NWD1: variants seen among roughly 807,000 people sequenced by gnomAD.
NWD1 encodes the protein NACHT and WD repeat domain containing 1, also known as NACHT domain- and WD repeat-containing protein 1.
In NWD1, 129 loss-of-function variants were observed where a neutral mutation model predicts 135.1. The observed-to-expected ratio is 0.96, with a 90% confidence interval of 0.83 to 1.11. The LOEUF is 1.11. Among genes scored for constraint, NWD1 ranks in the 50% least tolerant of loss-of-function variants. The pLI is 0.00. For synonymous variants in NWD1, 773 were observed against 786.0 expected, an observed-to-expected ratio of 0.98 and a Z score of 0.28; for missense variants, 1,740 against 1,851.3, an observed-to-expected ratio of 0.94 and a Z score of 1.10.
intron 6 of NWD1, among the ~76,000 whole-genome samples, chr19:16,754,051 A>G (rs1242270916): frequency 6.7e-6 from 1 of 149,482 alleles, no homozygotes; most frequent in Non-Finnish European, 1.5e-5. Context: ...CCATCCATCC[A>G]TCCACCCATC....
At chr19:16,728,898 CAT>C (rs2122685321) in intron 2 of NWD1, among the ~76,000 whole-genome samples, 1 of 141,296 alleles carries the variant, frequency 7.1e-6, no homozygotes, top group East Asian at 2.1e-4. Context: ...GAGCCGAGAT[CAT>C]GCCACTGCAC....
chr19:16,729,021 A>C lies in NWD1; in HGVS notation c.-6-2171A>C, dbSNP rs189353718. On this transcript the variant is annotated intron_variant, in intron 2 of 18. Transcript: ENST00000524140. ...TGGTTCACACCTGCAATCCCAGCAC[A>C]TTGGGAGGCCGAGGTGGGAGAATTG... Among the ~76,000 whole-genome samples the C allele has an allele frequency of 2.7e-5, 4 of 146,730 alleles. No individual in the cohort carries two copies. The East Asian group carries it at 8.3e-4, about 30-fold the overall frequency.
At chr19:16,778,175 G>C (rs752205972) in intron 11 of NWD1, among the ~76,000 whole-genome samples, 1 of 152,140 alleles carries the variant, frequency 6.6e-6, no homozygotes, top group Non-Finnish European at 1.5e-5. Context: ...ATGTGGAAGA[G>C]GCACACAGAA....
intron 1 of NWD1, among the ~76,000 whole-genome samples, chr19:16,721,094 C>T (rs150730403): frequency 6.6e-6 from 1 of 152,076 alleles, no homozygotes; most frequent in Non-Finnish European, 1.5e-5. Context: ...AAGTAATCTG[C>T]CTGTTTTGGC....
In NWD1 at chr19:16,788,872, C is replaced by T. The variant is rs1207666369; in HGVS notation, c.2732-110C>T. On this transcript the variant is annotated intron_variant, in intron 12 of 18. Transcript: ENST00000524140. ...ATGACTTTCACAATTCAATTCCATCCATCTTTTCTTTGGTAAATGAGGGTA... is the reference window on the plus strand; with the variant it reads ...ATGACTTTCACAATTCAATTCCATCTATCTTTTCTTTGGTAAATGAGGGTA... 29 of 753,894 alleles carry T rather than the reference C, an allele frequency of 3.8e-5. 1 individual carries two copies. Among genetic ancestry groups the T allele is most frequent in the Non-Finnish European group, 5.4e-5 (23 of 427,966 alleles). The allele number at this position is 753,894 out of a possible 1,614,324, so 46.7% of individuals were successfully genotyped here.
At chr19:16,735,627 G>A (rs1330742950) in intron 3 of NWD1, among the ~76,000 whole-genome samples, 1 of 150,968 alleles carries the variant, frequency 6.6e-6, no homozygotes, top group African/African-American at 2.4e-5. Context: ...TCAAGAGTTC[G>A]AGACCAGCCT....
intron 6 of NWD1, among the ~76,000 whole-genome samples, chr19:16,753,327 TTGGTCCCATATC>T (rs1372578787): frequency 6.6e-6 from 1 of 152,208 alleles, no homozygotes; most frequent in Non-Finnish European, 1.5e-5. Context: ...AATGGCCTAC[TTGGTCCCATATC>T]TGGTCCAATT....
intron 8 of NWD1, 86 bp downstream of exon 8, chr19:16,762,224 C>T (rs1197754195): frequency 6.5e-6 from 8 of 1,236,738 alleles, no homozygotes; most frequent in African/African-American, 3.0e-5. Context: ...TTTTTGCACT[C>T]GAAATGTCCT....
chr19:16,723,943 G>A (rs36081090), intron 1 of NWD1, among the ~76,000 whole-genome samples: 34,001 of 151,558 alleles, frequency 0.22, 4,789 homozygotes, highest in Middle Eastern at 0.36. Flanking sequence ...TGATCGGCCC[G>A]CCTTGGCCTC....
At position 16,800,170 on chromosome 19, in the gene NWD1, AG is replaced by A; in HGVS notation, c.3736+10del. The A allele has an allele frequency of 6.3e-7, 1 of 1,593,402 alleles. No individual in the cohort carries two copies. The highest frequency in any genetic ancestry group is 1.7e-4 in the Middle Eastern group (1 of 5,940). The stretch of plus-strand genomic sequence containing the variant: ...TTTGGGACTTGGCAGAAGGTTGGTA[AG>A]GTATAAGTATGGTCATTTTTGTGGG... On this transcript the variant is annotated intron_variant, in intron 17 of 18. Transcript: ENST00000524140.
At chr19:16,802,366 A>C (rs943351009) in intron 17 of NWD1, among the ~76,000 whole-genome samples, 12 of 151,132 alleles carry the variant, frequency 7.9e-5, no homozygotes, top group African/African-American at 2.9e-4. Context: ...AGATGGAGGC[A>C]GGATGATCGC....
chr19:16,788,925 T>C, intron 12 of NWD1, 57 bp from the exon 13 acceptor site: 2 of 1,257,642 alleles, frequency 1.6e-6, no homozygotes, highest in Admixed American at 1.7e-5. Flanking sequence ...ATTTTAATAG[T>C]TGCAAGGCCA....
chr19:16,815,255 G>T lies in NWD1; in HGVS notation c.*216G>T, dbSNP rs1432574218. Reference sequence around the variant, plus strand: ...AGTTGCAGCTGCAGGAGCTCCCCAGGACTTGGAGTCAGAAAGTGCCCAGGG... The same window carrying T: ...AGTTGCAGCTGCAGGAGCTCCCCAGTACTTGGAGTCAGAAAGTGCCCAGGG... On this transcript the variant is annotated 3_prime_UTR_variant, in exon 19 of 19. Coordinates refer to ENST00000524140, the MANE Select transcript of NWD1 (RefSeq NM_001007525.5). The T allele has an allele frequency of 1.3e-6, 1 of 782,218 alleles. No individual in the cohort carries two copies. The highest frequency in any genetic ancestry group is 1.7e-5 in the Admixed American group (1 of 59,024). The allele number at this position is 782,218 out of a possible 1,614,324, so 48.5% of individuals were successfully genotyped here.
intron 11 of NWD1, 82 bp from the exon 12 acceptor site, chr19:16,779,260 TG>T: frequency 1.3e-6 from 2 of 1,486,868 alleles, no homozygotes; most frequent in African/African-American, 1.4e-5. Context: ...ATCTGTGAAG[TG>T]GGGGGCTCAT....
chr19:16,787,501 A>G (rs543342424), intron 12 of NWD1, among the ~76,000 whole-genome samples: 114 of 152,268 alleles, frequency 7.5e-4, no homozygotes, highest in Admixed American at 7.9e-4. Flanking sequence ...GCCACATTTC[A>G]TTATTTTCCA....
intron 2 of NWD1, among the ~76,000 whole-genome samples, chr19:16,724,772 A>G (rs1967261112): frequency 6.6e-6 from 1 of 151,648 alleles, no homozygotes; most frequent in South Asian, 2.1e-4. Context: ...TGGCTCATGC[A>G]ACCTCTGCCT....
At chr19:16,811,770 C>T (rs1369619698) in intron 18 of NWD1, among the ~76,000 whole-genome samples, 2 of 152,098 alleles carry the variant, frequency 1.3e-5, no homozygotes, top group Admixed American at 6.6e-5. Context: ...TGGATCCATC[C>T]CCCTGTGGGG....
chr19:16,789,874 C>T (rs1023797561), intron 13 of NWD1, among the ~76,000 whole-genome samples: 24 of 152,164 alleles, frequency 1.6e-4, no homozygotes, highest in Admixed American at 3.3e-4. Flanking sequence ...CACGCCACCA[C>T]GCCCAGCTAA....
chr19:16,743,914 C>G (rs1325854832), intron 4 of NWD1, among the ~76,000 whole-genome samples: 1 of 151,994 alleles, frequency 6.6e-6, no homozygotes, highest in Admixed American at 6.6e-5. Context: ...AACTCCTGAC[C>G]TCAGGTAATC....
Sources: gnomAD v4.1 joint callset for allele counts (sites outside exome capture counted in the v4.1 genomes callset) on GRCh38, gnomAD v4.1.1 for gene constraint, MANE v1.5 for transcripts, NCBI Gene and HGNC (gene_info 2026-07-23, HGNC 2026-07-21) for gene names.